Variants in DLG2 observed in about 807,000 individuals in gnomAD.
DLG2 encodes the protein disks large homolog 2.
Under a neutral mutation model 132.5 loss-of-function variants are expected in DLG2, and 45 were observed. The ratio of observed to expected loss-of-function variants is 0.34; its 90% CI spans 0.27 to 0.44. The LOEUF is 0.44. DLG2 is among the 20% of genes least tolerant of loss of function. The pLI is 1.00. For synonymous variants in DLG2, 424 were observed against 419.6 expected, an observed-to-expected ratio of 1.01 and a Z score of -0.13; for missense variants, 1,045 against 1,196.9, an observed-to-expected ratio of 0.87 and a Z score of 1.87.
At chr11:83,864,321 A>T (rs1220956050) in intron 16 of DLG2, among the ~76,000 whole-genome samples, 1 of 152,216 alleles carries the variant, frequency 6.6e-6, no homozygotes, top group Non-Finnish European at 1.5e-5. Context: ...TATTAGTCTG[A>T]GTTCTTCAGG....
At chr11:83,677,763 A>G (rs1312476382) in intron 18 of DLG2, among the ~76,000 whole-genome samples, 1 of 152,238 alleles carries the variant, frequency 6.6e-6, no homozygotes, top group African/African-American at 2.4e-5. Context: ...CTGGCTGTTA[A>G]TTCTCCTTAG....
At chr11:83,559,362 T>C (rs960475762) in intron 19 of DLG2, among the ~76,000 whole-genome samples, 3 of 152,206 alleles carry the variant, frequency 2.0e-5, no homozygotes. Context: ...ATAATCTTGT[T>C]GTTCCTGTTG....
rs138953409 is a variant in DLG2 at position 85,425,662 on chromosome 11, G to C, written c.41-140297C>G. Among the ~76,000 whole-genome samples, 462 of 152,134 alleles carry C rather than the reference G, an allele frequency of 3.0e-3. 1 individual carries two copies. Among genetic ancestry groups the C allele is most frequent in the African/African-American group, 0.011 (445 of 41,510 alleles). ...AACAAGAAAAAAATCGGGGGTGGAG[G>C]CAAGATGGCCAAATAGGAACAGCTC... On this transcript the variant is annotated intron_variant, in intron 3 of 27. Coordinates refer to ENST00000376104, the MANE Select transcript of DLG2 (RefSeq NM_001142699.3).
intron 14 of DLG2, among the ~76,000 whole-genome samples, chr11:83,940,416 G>T (rs1345685348): frequency 6.6e-6 from 1 of 152,114 alleles, no homozygotes; most frequent in Non-Finnish European, 1.5e-5. Context: ...CTGGCCCTGT[G>T]CTACATATGC....
intron 7 of DLG2, among the ~76,000 whole-genome samples, chr11:84,449,614 C>T (rs962489704): frequency 1.3e-5 from 2 of 151,650 alleles, no homozygotes; most frequent in Admixed American, 6.6e-5. Context: ...AGTATTTTGT[C>T]CACTAAAGTA....
chr11:83,706,442 A>G (rs1019159233), intron 18 of DLG2, among the ~76,000 whole-genome samples: 1 of 152,138 alleles, frequency 6.6e-6, no homozygotes, highest in Non-Finnish European at 1.5e-5. Flanking sequence ...ATCCAAATAC[A>G]TAATATCCCC....
At chr11:83,946,276 C>T (rs1159815528) in intron 14 of DLG2, among the ~76,000 whole-genome samples, 1 of 152,182 alleles carries the variant, frequency 6.6e-6, no homozygotes, top group East Asian at 1.9e-4. Context: ...GCTTGAGCCA[C>T]CACACCCAGC....
chr11:84,107,177 G>T (rs927283016), intron 9 of DLG2, among the ~76,000 whole-genome samples: 3 of 151,812 alleles, frequency 2.0e-5, no homozygotes, highest in Admixed American at 6.6e-5. Flanking sequence ...GGAGAGAAGA[G>T]AGCACACAAA....
intron 3 of DLG2, among the ~76,000 whole-genome samples, chr11:85,380,076 A>G (rs1186684457): frequency 2.6e-5 from 4 of 152,184 alleles, no homozygotes; most frequent in Non-Finnish European, 5.9e-5. Flanking sequence ...TTTTACACAC[A>G]TAAGAACTCC....
At chr11:84,992,700 G>A (rs948714410) in intron 6 of DLG2, among the ~76,000 whole-genome samples, 3 of 152,146 alleles carry the variant, frequency 2.0e-5, no homozygotes, top group Admixed American at 2.0e-4. Context: ...CTTCTTTTGA[G>A]AAGTGTCTGT....
chr11:83,518,769 A>G (rs539742626), intron 21 of DLG2, among the ~76,000 whole-genome samples: 60 of 152,326 alleles, frequency 3.9e-4, no homozygotes, highest in African/African-American at 1.4e-3. Flanking sequence ...TAGCATATAT[A>G]TATGTATATA....
At chr11:85,027,085 A>T (rs7126134) in intron 6 of DLG2, among the ~76,000 whole-genome samples, 1 of 151,658 alleles carries the variant, frequency 6.6e-6, no homozygotes, top group African/African-American at 2.4e-5. Context: ...CAGTCGCTAA[A>T]AGAAAGCAGA....
At chr11:84,934,087 G>A (rs1473623798) in intron 6 of DLG2, among the ~76,000 whole-genome samples, 2 of 152,118 alleles carry the variant, frequency 1.3e-5, no homozygotes, top group Non-Finnish European at 2.9e-5. Flanking sequence ...ATGAATGGAT[G>A]TTGAATTTTA....
intron 6 of DLG2, among the ~76,000 whole-genome samples, chr11:84,544,913 T>G (rs1193714949): frequency 6.6e-6 from 1 of 152,178 alleles, no homozygotes; most frequent in African/African-American, 2.4e-5. Flanking sequence ...GCTCTTCACT[T>G]CCACAGAACA....
chr11:84,917,406 T>C (rs908067075), intron 6 of DLG2, among the ~76,000 whole-genome samples: 4 of 152,234 alleles, frequency 2.6e-5, no homozygotes, highest in African/African-American at 4.8e-5. Flanking sequence ...AGTTTTCATA[T>C]CTATATTATC....
At chr11:83,678,869 G>A (rs551456883) in intron 18 of DLG2, among the ~76,000 whole-genome samples, 49 of 152,094 alleles carry the variant, frequency 3.2e-4, no homozygotes, top group African/African-American at 1.1e-3. Flanking sequence ...TTTATACTTC[G>A]GTAAAAATAG....
At chr11:84,077,034 C>A (rs763762830) in intron 10 of DLG2, among the ~76,000 whole-genome samples, 3 of 152,124 alleles carry the variant, frequency 2.0e-5, no homozygotes, top group Non-Finnish European at 4.4e-5. Flanking sequence ...ATCATTTAAT[C>A]TCTCTATATT....
intron 21 of DLG2, among the ~76,000 whole-genome samples, chr11:83,520,963 T>C (rs1167095761): frequency 6.6e-6 from 1 of 152,206 alleles, no homozygotes; most frequent in Non-Finnish European, 1.5e-5. Flanking sequence ...GAATAGATCA[T>C]GTATCGAGAC....
At chr11:85,209,275 A>C (rs2082095706) in intron 4 of DLG2, among the ~76,000 whole-genome samples, 1 of 151,890 alleles carries the variant, frequency 6.6e-6, no homozygotes, top group Non-Finnish European at 1.5e-5. Flanking sequence ...TTCCAAGCTA[A>C]TATCAATGTT....
Sources: allele counts gnomAD v4.1 joint callset (sites outside exome capture counted in the v4.1 genomes callset), GRCh38; gene constraint gnomAD v4.1.1; transcripts MANE v1.5; gene names NCBI Gene and HGNC (gene_info 2026-07-23, HGNC 2026-07-21).